The following KIF3C variants were observed in gnomAD, a reference collection of about 807,000 sequenced individuals.
KIF3C encodes kinesin family member 3C, also known as kinesin-like protein KIF3C.
A neutral mutation model predicts 67.7 loss-of-function variants in KIF3C; 12 were observed. The observed-to-expected ratio is 0.18, with a 90% CI of 0.11 to 0.29. KIF3C has a LOEUF of 0.29. KIF3C is among the 10% of genes least tolerant of loss of function. KIF3C has a pLI of 1.00. For synonymous variants in KIF3C, 393 were observed against 426.2 expected (o/e 0.92, Z 0.96); for missense variants, 789 against 1,059.6 (o/e 0.74, Z 3.55).
chr2:25,951,590 T>C, intron 5 of KIF3C, 199 bp downstream of exon 5: 1 of 522,344 alleles, frequency 1.9e-6, no homozygotes, highest in Non-Finnish European at 3.4e-6. Context: ...GACACTTTTT[T>C]TCCCAGAACA....
intron 1 of KIF3C, among the ~76,000 whole-genome samples, chr2:25,959,598 C>T (rs1291347316): frequency 6.6e-6 from 1 of 152,144 alleles, no homozygotes; most frequent in African/African-American, 2.4e-5. Flanking sequence ...TGCCACCACA[C>T]CCAGCTAATT....
chr2:25,951,932 G>A (rs1162803363), intron 4 of KIF3C, 27 bp from the exon 5 acceptor site: 3 of 1,498,232 alleles, frequency 2.0e-6, no homozygotes, highest in Admixed American at 1.7e-5. Flanking sequence ...AGGAGTGATG[G>A]GAAAATGGGT....
chr2:25,935,042 G>A (rs1208607751), intron 5 of KIF3C, among the ~76,000 whole-genome samples: 8 of 152,004 alleles, frequency 5.3e-5, no homozygotes, highest in Non-Finnish European at 8.8e-5. Flanking sequence ...TCAGGAGTTC[G>A]AGACCAGCCT....
intron 1 of KIF3C, among the ~76,000 whole-genome samples, chr2:25,963,568 T>C (rs1664062644): frequency 6.6e-6 from 1 of 151,792 alleles, no homozygotes; most frequent in Non-Finnish European, 1.5e-5. Context: ...ACATTTTGTG[T>C]ATCTTGGAAC....
At position 25,981,078 on chromosome 2, in the gene KIF3C, A is replaced by G. The variant is rs2149245967; in HGVS notation, c.840T>C (p.Gly280=). 1 of 1,614,040 alleles carries G rather than the reference A, an allele frequency of 6.2e-7. No individual in the cohort carries two copies. Among genetic ancestry groups the G allele is most frequent in the South Asian group, 1.1e-5 (1 of 91,068 alleles). The change falls in exon 1 of 8, where the codon GGT becomes GGC. Residue 280 remains glycine (G), a synonymous_variant. Coordinates refer to ENST00000264712, the MANE Select transcript of KIF3C (RefSeq NM_002254.8). This position sits in a 1 kb window ranked among gnomAD's most constrained non-coding sequence, Gnocchi z 8.2. ...CCTTAGGCCTCTCTCCACCAGCACCACCACCACTGCCTCCACCGCCACCAC... is the reference window on the plus strand; with the variant it reads ...CCTTAGGCCTCTCTCCACCAGCACCGCCACCACTGCCTCCACCGCCACCAC... The part of the protein sequence containing the change: ...GGGGGGGGSG[G]GAGGERPKEA...
intron 5 of KIF3C, 134 bp from the exon 6 acceptor site, chr2:25,930,197 C>A: frequency 1.5e-6 from 1 of 672,230 alleles, no homozygotes; most frequent in Non-Finnish European, 2.6e-6. Context: ...CTTCTCCTTG[C>A]TCTAATACAG....
intron 1 of KIF3C, among the ~76,000 whole-genome samples, chr2:25,970,824 C>T (rs1664262956): frequency 6.6e-6 from 1 of 151,932 alleles, no homozygotes; most frequent in Non-Finnish European, 1.5e-5. Context: ...TTAGCTAGTG[C>T]TATAGAAATA....
intron 5 of KIF3C, among the ~76,000 whole-genome samples, chr2:25,933,262 A>G (rs80087845): frequency 1.3e-5 from 2 of 148,798 alleles, no homozygotes; most frequent in Non-Finnish European, 3.0e-5. Context: ...CTCCGTTTCA[A>G]AAAAAAAAAA....
intron 5 of KIF3C, among the ~76,000 whole-genome samples, chr2:25,934,905 C>T (rs1047825271): frequency 1.3e-5 from 2 of 151,536 alleles, no homozygotes; most frequent in Non-Finnish European, 2.9e-5. Flanking sequence ...CACTGCACTC[C>T]AACCTGGGCT....
rs1045989788 is a variant in KIF3C at position 25,927,362 on chromosome 2, G to A, written c.*1616C>T. On this transcript the variant is annotated 3_prime_UTR_variant, in exon 8 of 8. Transcript: ENST00000264712. Reference sequence around the variant, plus strand: ...CAGTCGAACCTCTGATCTGAATCCTGAGTCTCAAATAATCTCTTGGGCTCT... The same window carrying A: ...CAGTCGAACCTCTGATCTGAATCCTAAGTCTCAAATAATCTCTTGGGCTCT... 6.6e-6 allele frequency: 1 copy of A among 152,574 alleles called. No individual in the cohort carries two copies. Among genetic ancestry groups the A allele is most frequent in the Non-Finnish European group, 1.5e-5 (1 of 68,056 alleles). 9.5% of individuals were successfully genotyped at this position (152,574 alleles called of 1,614,324 possible). A position where few individuals can be genotyped will look rare whatever the true frequency, so the allele number is the denominator to read the frequency against.
At chr2:25,948,680 A>G (rs1035408553) in intron 5 of KIF3C, among the ~76,000 whole-genome samples, 1 of 148,718 alleles carries the variant, frequency 6.7e-6, no homozygotes, top group Non-Finnish European at 1.5e-5. Context: ...GAGAGAGAGA[A>G]AGAAAGAAAG....
At chr2:25,941,556 TA>T (rs1188342002) in intron 5 of KIF3C, among the ~76,000 whole-genome samples, 279 of 136,800 alleles carry the variant, frequency 2.0e-3, no homozygotes, top group Middle Eastern at 3.8e-3. Flanking sequence ...TGTCTCTATT[TA>T]AAAAAAAAAA....
At position 25,962,845 on chromosome 2, in the gene KIF3C, TATATA is replaced by T. The variant is rs1402406014; in HGVS notation, c.1546-6406_1546-6402del. ...TATATAAAATATATAAAATATATAA[TATATA>T]ATATAATATATAATATATATAATAT... On this transcript the variant is annotated intron_variant, in intron 1 of 7. Transcript: ENST00000264712. Among the ~76,000 whole-genome samples, 202 of 63,760 alleles carry T rather than the reference TATATA, an allele frequency of 3.2e-3. 7 individuals carry two copies. Among genetic ancestry groups the T allele is most frequent in the Non-Finnish European group, 4.2e-3 (155 of 36,608 alleles). The allele number at this position is 63,760 out of a possible 152,430, so 41.8% of individuals were successfully genotyped here.
chr2:25,930,105 A>G (rs769194886), intron 5 of KIF3C, 42 bp from the exon 6 acceptor site: 2 of 1,497,566 alleles, frequency 1.3e-6, no homozygotes, highest in Non-Finnish European at 9.3e-7. Flanking sequence ...TCTGTGGAAC[A>G]CAAACAGCAA....
At position 25,935,212 on chromosome 2, in the gene KIF3C, CCAG is replaced by C. The variant is rs1663064875; in HGVS notation, c.2007-5152_2007-5150del. ...TGAGCTGAGATCACACTGCTGTACT[CCAG>C]CCTGGACAACAGAGTGAGACTCAGT... On this transcript the variant is annotated intron_variant, in intron 5 of 7. Transcript: ENST00000264712. Among the ~76,000 whole-genome samples the C allele has an allele frequency of 2.0e-5, 3 of 152,006 alleles. No individual in the cohort carries two copies. The South Asian group carries it at 6.3e-4, about 32-fold the overall frequency.
At chr2:25,929,094 G>T (rs201865793) in intron 7 of KIF3C, 23 bp from the exon 8 acceptor site, 2 of 1,597,210 alleles carry the variant, frequency 1.3e-6, no homozygotes. Flanking sequence ...TGACGCAGGC[G>T]AAAGGGGAGG....
intron 1 of KIF3C, among the ~76,000 whole-genome samples, chr2:25,963,665 GTATTATTAT>G (rs72088886): frequency 0.014 from 1,739 of 125,842 alleles, 14 homozygotes; most frequent in East Asian, 0.039. Context: ...TAGGCATGAA[GTATTATTAT>G]TATTATTATT....
chr2:25,928,816 A>G lies in KIF3C; in HGVS notation c.*162T>C. On this transcript the variant is annotated 3_prime_UTR_variant, in exon 8 of 8. Coordinates refer to ENST00000264712, the MANE Select transcript of KIF3C (RefSeq NM_002254.8). ...TAACATGAATTAAATAAAGGAGGCG[A>G]AGAAGAGCAGGCAGAGGCACCATCT... is the stretch of plus-strand genomic sequence containing the variant. 1 of 605,850 alleles carries G rather than the reference A, an allele frequency of 1.7e-6. No individual in the cohort carries two copies. The allele number at this position is 605,850 out of a possible 1,614,324, so 37.5% of individuals were successfully genotyped here. A position where few individuals can be genotyped will look rare whatever the true frequency, so the allele number is the denominator to read the frequency against.
Position 25,958,770 on chromosome 2 carries a change from C to A in KIF3C, c.1546-2326G>T, listed in dbSNP as rs556598084. Among the ~76,000 whole-genome samples the A allele has an allele frequency of 1.3e-5, 2 of 152,282 alleles. No individual in the cohort carries two copies. Among genetic ancestry groups the A allele is most frequent in the East Asian group, 3.9e-4 (2 of 5,160 alleles). On this transcript the variant is annotated intron_variant, in intron 1 of 7. Transcript: ENST00000264712. The surrounding 1 kb of genome is among the most constrained non-coding windows in gnomAD (Gnocchi z 4.5). ...CGTATGCTCTGTACTCCAGCCTCAC[C>A]AAGAGAATTCCAGCTCCCTGGGGGC...
Sources: gnomAD v4.1 joint callset for allele counts (sites outside exome capture counted in the v4.1 genomes callset) on GRCh38, gnomAD v4.1.1 for gene constraint, Gnocchi (gnomAD v3.1) non-coding constraint, MANE v1.5 for transcripts, NCBI Gene and HGNC (gene_info 2026-07-23, HGNC 2026-07-21) for gene names.